Variants in FYN observed in about 807,000 individuals in gnomAD.
FYN encodes FYN proto-oncogene, Src family tyrosine kinase, also known as tyrosine-protein kinase Fyn.
In FYN, 10 loss-of-function variants were observed where a neutral mutation model predicts 70.2. The ratio of observed to expected loss-of-function variants is 0.14; its 90% CI spans 0.09 to 0.24. The LOEUF (loss-of-function observed/expected upper bound fraction) is 0.24. Among genes scored for constraint, FYN ranks in the 10% least tolerant of loss-of-function variants. FYN has a pLI of 1.00. For synonymous variants in FYN, 236 were observed against 248.6 expected, an observed-to-expected ratio of 0.95 and a Z score of 0.48; for missense variants, 319 against 673.1, an observed-to-expected ratio of 0.47 and a Z score of 5.82.
At chr6:111,733,099 G>A (rs74338506) in intron 3 of FYN, among the ~76,000 whole-genome samples, 2,289 of 152,192 alleles carry the variant, frequency 0.015, 30 homozygotes, top group Non-Finnish European at 0.024. Flanking sequence ...CCACTCCCGA[G>A]AACCAATAAG....
chr6:111,835,767 T>C (rs1233961360), intron 2 of FYN, among the ~76,000 whole-genome samples: 3 of 151,926 alleles, frequency 2.0e-5, no homozygotes, highest in African/African-American at 7.3e-5. Flanking sequence ...CCTGGTACTG[T>C]GGCGTGCCTG....
intron 1 of FYN, among the ~76,000 whole-genome samples, chr6:111,856,056 T>C (rs1773816005): frequency 6.6e-6 from 1 of 152,222 alleles, no homozygotes; most frequent in African/African-American, 2.4e-5. Flanking sequence ...TTTTGTGCCA[T>C]CTAAATTTGA....
intron 12 of FYN, among the ~76,000 whole-genome samples, chr6:111,683,364 C>T (rs1798855010): frequency 6.6e-6 from 1 of 152,234 alleles, no homozygotes; most frequent in South Asian, 2.1e-4. Flanking sequence ...TGGGTGGGCC[C>T]AGCTCACATC....
intron 3 of FYN, among the ~76,000 whole-genome samples, chr6:111,745,222 G>A (rs1802153961): frequency 6.6e-6 from 1 of 152,148 alleles, no homozygotes; most frequent in South Asian, 2.1e-4. Flanking sequence ...ATACAGACGC[G>A]AATGCCATCT....
intron 12 of FYN, among the ~76,000 whole-genome samples, chr6:111,683,378 G>A (rs532471385): frequency 7.2e-5 from 11 of 152,326 alleles, no homozygotes; most frequent in East Asian, 1.9e-4. Flanking sequence ...TCACATCTCC[G>A]GAGAGCTGAA....
chr6:111,741,138 T>A (rs1435045045), intron 3 of FYN: 1 of 152,236 alleles, frequency 6.6e-6, no homozygotes, highest in Non-Finnish European at 1.5e-5. Context: ...TTTCCTGGTA[T>A]CAGATCTTAA....
At chr6:111,717,877 C>T (rs1800740320) in intron 4 of FYN, among the ~76,000 whole-genome samples, 1 of 152,210 alleles carries the variant, frequency 6.6e-6, no homozygotes, top group Non-Finnish European at 1.5e-5. Flanking sequence ...TGTCTTTCTG[C>T]CCCATCCCAA....
At chr6:111,812,701 G>A (rs1772366261) in intron 2 of FYN, among the ~76,000 whole-genome samples, 1 of 141,214 alleles carries the variant, frequency 7.1e-6, no homozygotes, top group African/African-American at 2.6e-5. Context: ...CATGGGCACA[G>A]AATGAGGCCA....
chr6:111,692,499 C>T (rs1799379942), intron 12 of FYN, among the ~76,000 whole-genome samples: 1 of 152,160 alleles, frequency 6.6e-6, no homozygotes, highest in Admixed American at 6.5e-5. Flanking sequence ...AGCCTCACTC[C>T]AGTGAATAAG....
intron 1 of FYN, among the ~76,000 whole-genome samples, chr6:111,870,759 G>C (rs935833930): frequency 6.6e-6 from 1 of 152,168 alleles, no homozygotes; most frequent in East Asian, 1.9e-4. Flanking sequence ...AAAGGACTTC[G>C]AGCAAGTCAG....
chr6:111,739,848 G>C (rs115876149), intron 3 of FYN, among the ~76,000 whole-genome samples: 1,728 of 152,282 alleles, frequency 0.011, 24 homozygotes, highest in African/African-American at 0.037. Flanking sequence ...TGTTAAGATG[G>C]AGTCTCACCC....
chr6:111,727,454 C>T (rs1208806338), intron 3 of FYN, among the ~76,000 whole-genome samples: 1 of 152,156 alleles, frequency 6.6e-6, no homozygotes, highest in Non-Finnish European at 1.5e-5. Flanking sequence ...TATAATGCCT[C>T]CACCAAGCAC....
intron 4 of FYN, 45 bp downstream of exon 4, chr6:111,719,760 A>G: frequency 6.3e-7 from 1 of 1,591,972 alleles, no homozygotes; most frequent in Non-Finnish European, 8.6e-7. Context: ...AAAAGATTTA[A>G]GGGTGGCTGC....
chr6:111,847,975 G>T (rs1416009458), intron 1 of FYN, among the ~76,000 whole-genome samples: 1 of 152,184 alleles, frequency 6.6e-6, no homozygotes, highest in Non-Finnish European at 1.5e-5. Context: ...CTGTCCTACG[G>T]AGAAACCGCC....
At chr6:111,744,205 C>A (rs952245880) in intron 3 of FYN, among the ~76,000 whole-genome samples, 1 of 152,226 alleles carries the variant, frequency 6.6e-6, no homozygotes, top group Non-Finnish European at 1.5e-5. Context: ...ATTGGCCCAG[C>A]AAAAATAGCT....
chr6:111,770,275 A>T (rs1012466336), intron 3 of FYN, among the ~76,000 whole-genome samples: 1 of 152,240 alleles, frequency 6.6e-6, no homozygotes, highest in African/African-American at 2.4e-5. Flanking sequence ...TATTGGGTTA[A>T]ATAAAATGTA....
intron 3 of FYN, among the ~76,000 whole-genome samples, chr6:111,722,352 G>A (rs1800993595): frequency 1.3e-5 from 2 of 152,086 alleles, no homozygotes; most frequent in African/African-American, 2.4e-5. Context: ...ATTTTAACAA[G>A]TTTCCAATAG....
chr6:111,715,117 C>T (rs1397926903), intron 4 of FYN, among the ~76,000 whole-genome samples: 2 of 152,176 alleles, frequency 1.3e-5, no homozygotes, highest in Admixed American at 6.5e-5. Flanking sequence ...CTTCCTCACA[C>T]CCACCCTATG....
chr6:111,748,058 A>G (rs995545974), intron 3 of FYN, among the ~76,000 whole-genome samples: 1 of 152,240 alleles, frequency 6.6e-6, no homozygotes, highest in Admixed American at 6.5e-5. Flanking sequence ...TAGAAAGCAA[A>G]ATGACTTTCC....
Sources: gnomAD v4.1 joint callset for allele counts (sites outside exome capture counted in the v4.1 genomes callset) on GRCh38, gnomAD v4.1.1 for gene constraint, MANE v1.5 for transcripts, NCBI Gene and HGNC (gene_info 2026-07-23, HGNC 2026-07-21) for gene names.